Variants in CCDC170 observed in about 807,000 individuals in gnomAD.
CCDC170 encodes coiled-coil domain-containing protein 170.
Under a neutral mutation model 72.6 loss-of-function variants are expected in CCDC170, and 69 were observed. That is an observed-to-expected ratio of 0.95 (90% CI 0.78 to 1.16). The LOEUF (loss-of-function observed/expected upper bound fraction) is 1.16. CCDC170 is among the 50% of genes most tolerant of loss of function. The probability of loss-of-function intolerance (pLI) is 0.00; values close to 1 mark genes in which losing one functional copy is unlikely to be tolerated. For missense variants in CCDC170, 852 were observed against 832.5 expected, an observed-to-expected ratio of 1.02 and a Z score of -0.29; for synonymous variants, 300 against 303.9, an observed-to-expected ratio of 0.99 and a Z score of 0.13.
Position 151,587,109 on chromosome 6 carries a change from C to T in CCDC170, c.1293+1020C>T, listed in dbSNP as rs146003152. 2.5e-4 allele frequency among the ~76,000 whole-genome samples: 38 copies of T among 152,014 alleles called. No individual in the cohort carries two copies. In the East Asian group the frequency reaches 4.5e-3, roughly 18 times the overall value. ...ACATTGCAGTATTTTAGAAAGATAGCGTGATGTCCCCGTGGAGCTGAGATT... is the reference window on the plus strand; with the variant it reads ...ACATTGCAGTATTTTAGAAAGATAGTGTGATGTCCCCGTGGAGCTGAGATT... On this transcript the variant is annotated intron_variant, in intron 7 of 10. Coordinates refer to ENST00000239374, the MANE Select transcript of CCDC170 (RefSeq NM_025059.4).
intron 7 of CCDC170, among the ~76,000 whole-genome samples, chr6:151,590,698 T>C (rs1776521717): frequency 6.6e-6 from 1 of 152,194 alleles, no homozygotes; most frequent in African/African-American, 2.4e-5. Flanking sequence ...CTTAATCTTT[T>C]GAAATAGAGA....
intron 6 of CCDC170, among the ~76,000 whole-genome samples, chr6:151,577,216 C>T (rs61683453): frequency 0.053 from 8,034 of 152,070 alleles, 282 homozygotes; most frequent in East Asian, 0.21. Context: ...GGATTTTGAG[C>T]GGCGTCCTTG....
At chr6:151,509,189 C>A (rs934748885) in intron 1 of CCDC170, among the ~76,000 whole-genome samples, 1 of 151,416 alleles carries the variant, frequency 6.6e-6, no homozygotes, top group Non-Finnish European at 1.5e-5. Context: ...TCTCTCCCCC[C>A]TTTCGCTCTC....
At chr6:151,524,891 T>C (rs1782376872) in intron 1 of CCDC170, among the ~76,000 whole-genome samples, 1 of 152,014 alleles carries the variant, frequency 6.6e-6, no homozygotes, top group East Asian at 1.9e-4. Flanking sequence ...TTGAGATCTA[T>C]TTATCTCCAA....
chr6:151,561,662 C>G (rs1776033327), intron 5 of CCDC170, among the ~76,000 whole-genome samples: 1 of 151,944 alleles, frequency 6.6e-6, no homozygotes, highest in Non-Finnish European at 1.5e-5. Flanking sequence ...TCTAATTGAC[C>G]TTGGATAGTC....
At chr6:151,571,373 A>C (rs1268918171) in intron 5 of CCDC170, among the ~76,000 whole-genome samples, 2 of 151,754 alleles carry the variant, frequency 1.3e-5, no homozygotes, top group African/African-American at 4.8e-5. Flanking sequence ...CATGCTAGTT[A>C]ACACGCCGCT....
intron 1 of CCDC170, among the ~76,000 whole-genome samples, chr6:151,501,819 C>G (rs1562820841): frequency 6.6e-6 from 1 of 152,134 alleles, no homozygotes; most frequent in Non-Finnish European, 1.5e-5. Flanking sequence ...TAAAGACTTA[C>G]TTTTTTCCAT....
At chr6:151,556,813 A>G (rs1782984971) in intron 5 of CCDC170, among the ~76,000 whole-genome samples, 1 of 111,232 alleles carries the variant, frequency 9.0e-6, no homozygotes, top group Non-Finnish European at 1.8e-5. Flanking sequence ...TCGCTGACAA[A>G]CATTAAAGCT....
At chr6:151,558,620 G>C (rs945960596) in intron 5 of CCDC170, among the ~76,000 whole-genome samples, 2 of 152,120 alleles carry the variant, frequency 1.3e-5, no homozygotes, top group African/African-American at 4.8e-5. Flanking sequence ...TGGATGTCTA[G>C]TTTTCCCAAC....
rs929088324 is a variant in CCDC170 at position 151,519,782 on chromosome 6, G to T, written c.58-16536G>T. 2.0e-5 allele frequency among the ~76,000 whole-genome samples: 3 copies of T among 152,172 alleles called. No individual in the cohort carries two copies. In the East Asian group the frequency reaches 5.8e-4, roughly 29 times the overall value. On this transcript the variant is annotated intron_variant, in intron 1 of 10. Transcript: ENST00000239374. ...GTTTGTCTTCTTTTTAGACCATACA[G>T]GGTAATAACCTGAAGTTGCCATGAC...
chr6:151,570,867 G>A (rs968168855), intron 5 of CCDC170, among the ~76,000 whole-genome samples: 1 of 152,162 alleles, frequency 6.6e-6, no homozygotes, highest in Non-Finnish European at 1.5e-5. Flanking sequence ...CAACAGTGGG[G>A]CTTCTCTACA....
At chr6:151,539,853 C>T (rs1396833296) in intron 3 of CCDC170, among the ~76,000 whole-genome samples, 1 of 152,190 alleles carries the variant, frequency 6.6e-6, no homozygotes, top group Non-Finnish European at 1.5e-5. Flanking sequence ...GATCATAATT[C>T]CATTCTTCTA....
At position 151,596,400 on chromosome 6, in the gene CCDC170, A is replaced by G. The variant is rs549058340; in HGVS notation, c.1533A>G (p.Ile511Met). The change falls in exon 9 of 11, where the codon ATA (isoleucine) becomes ATG (methionine). Residue 511 changes from isoleucine to methionine, a missense_variant. Transcript: ENST00000239374. Reference sequence around the variant, plus strand: ...ACATGAGCCTCCTCCGGCAGAAAATAGCCCAGCTGGAGGAGGAGAAGCAGG... The same window carrying G: ...ACATGAGCCTCCTCCGGCAGAAAATGGCCCAGCTGGAGGAGGAGAAGCAGG... Reference protein sequence around the residue: ...ELHMSLLRQKIAQLEEEKQAR... With the variant: ...ELHMSLLRQKMAQLEEEKQAR... 2 of 1,614,162 alleles carry G rather than the reference A, an allele frequency of 1.2e-6. No homozygotes were observed.
chr6:151,543,882 T>G (rs530828874), intron 3 of CCDC170, among the ~76,000 whole-genome samples: 1 of 152,194 alleles, frequency 6.6e-6, no homozygotes, highest in Non-Finnish European at 1.5e-5. Flanking sequence ...TGGGCACTTA[T>G]GTTGATTCCC....
intron 5 of CCDC170, among the ~76,000 whole-genome samples, chr6:151,566,746 A>G (rs1288701886): frequency 6.6e-6 from 1 of 152,146 alleles, no homozygotes. Flanking sequence ...TTCTTTAGTC[A>G]TAAGTTTTAT....
At chr6:151,499,454 G>T (rs921711939) in intron 1 of CCDC170, among the ~76,000 whole-genome samples, 1 of 113,204 alleles carries the variant, frequency 8.8e-6, no homozygotes, top group African/African-American at 4.0e-5. Flanking sequence ...TTCTAGGCAC[G>T]CTGTATAAGT....
At chr6:151,573,635 T>A (rs1055636662) in intron 6 of CCDC170, 144 bp downstream of exon 6, 1 of 854,168 alleles carries the variant, frequency 1.2e-6, no homozygotes, top group Non-Finnish European at 1.8e-6. Flanking sequence ...AGAGGTTTAA[T>A]GGATTCACAG....
At chr6:151,569,840 T>C (rs1049383600) in intron 5 of CCDC170, among the ~76,000 whole-genome samples, 1 of 152,212 alleles carries the variant, frequency 6.6e-6, no homozygotes, top group African/African-American at 2.4e-5. Context: ...CTTGTCACTC[T>C]GGCTCTCGAG....
intron 5 of CCDC170, among the ~76,000 whole-genome samples, chr6:151,556,384 G>C (rs1324049081): frequency 6.6e-6 from 1 of 152,242 alleles, no homozygotes; most frequent in Non-Finnish European, 1.5e-5. Flanking sequence ...GAACCTGGGA[G>C]GTGGAGTTTG....
Sources: gnomAD v4.1 joint callset for allele counts (sites outside exome capture counted in the v4.1 genomes callset) on GRCh38, gnomAD v4.1.1 for gene constraint, MANE v1.5 for transcripts, NCBI Gene and HGNC (gene_info 2026-07-23, HGNC 2026-07-21) for gene names.